Variants in SLIT2 observed in about 807,000 individuals in gnomAD.
The protein encoded by SLIT2 is slit homolog 2 protein.
A neutral mutation model predicts 185.7 loss-of-function variants in SLIT2; 41 were observed. The ratio of observed to expected loss-of-function variants is 0.22; its 90% CI spans 0.17 to 0.29. SLIT2 has a LOEUF of 0.29. SLIT2 is among the 10% of genes least tolerant of loss of function. SLIT2 has a pLI of 1.00. For synonymous variants in SLIT2, 693 were observed against 680.2 expected, an observed-to-expected ratio of 1.02 and a Z score of -0.29; for missense variants, 1,571 against 1,909.0, an observed-to-expected ratio of 0.82 and a Z score of 3.30.
At position 20,472,283 on chromosome 4, in the gene SLIT2, TATAG is replaced by T. The variant is rs1195995286; in HGVS notation, c.467+4464_467+4467del. On this transcript the variant is annotated intron_variant, in intron 5 of 36. Coordinates refer to ENST00000504154, the MANE Select transcript of SLIT2 (RefSeq NM_004787.4). ...CTATATATAGATATATATCTATATATATAGATATATAGATATATAGATCTATATA... is the reference window on the plus strand; with the variant it reads ...CTATATATAGATATATATCTATATATATATATAGATATATAGATCTATATA... 1.9e-3 allele frequency among the ~76,000 whole-genome samples: 42 copies of T among 22,266 alleles called. 9 individuals are homozygous for T. The highest frequency in any genetic ancestry group is 0.01 in the African/African-American group (37 of 3,578). 14.6% of individuals were successfully genotyped at this position (22,266 alleles called of 152,430 possible).
chr4:20,542,073 A>T (rs968357184), intron 20 of SLIT2, among the ~76,000 whole-genome samples: 2 of 152,138 alleles, frequency 1.3e-5, no homozygotes, highest in Non-Finnish European at 2.9e-5. Context: ...TTCTATTATT[A>T]TTGCCAATGA....
intron 4 of SLIT2, among the ~76,000 whole-genome samples, chr4:20,334,090 T>G (rs1456667418): frequency 6.6e-6 from 1 of 152,188 alleles, no homozygotes; most frequent in Non-Finnish European, 1.5e-5. Context: ...TGTCTCTACT[T>G]TAGATCATTT....
In SLIT2 at chr4:20,253,888, C is replaced by T; in HGVS notation, c.73C>T (p.Pro25Ser). ...GCTGGCGATCCTGAACAAGGTGGCA[C>T]CGCAGGCGTGCCCGGCGCAGTGCTC... ...LVLAILNKVA[P>S]QACPAQCSCS... The change falls in exon 1 of 37, where the codon CCG becomes TCG. Residue 25 changes from proline (P) to serine (S), a missense_variant. Pro to Ser is a moderately conservative substitution (Grantham distance 74). Transcript: ENST00000504154. 3 of 1,601,574 alleles carry T rather than the reference C, an allele frequency of 1.9e-6. No individual in the cohort carries two copies. The highest frequency in any genetic ancestry group is 1.6e-4 in the Middle Eastern group (1 of 6,062).
At chr4:20,513,711 A>T (rs1380658223) in intron 11 of SLIT2, among the ~76,000 whole-genome samples, 7 of 151,888 alleles carry the variant, frequency 4.6e-5, no homozygotes. Flanking sequence ...AAAATTACAG[A>T]ACAAGGGATA....
chr4:20,403,618 CTTTA>C (rs1282373196), intron 4 of SLIT2, among the ~76,000 whole-genome samples: 2 of 151,834 alleles, frequency 1.3e-5, no homozygotes, highest in African/African-American at 4.8e-5. Flanking sequence ...GAATAAGTAA[CTTTA>C]TTTATGTATT....
intron 6 of SLIT2, among the ~76,000 whole-genome samples, chr4:20,483,486 C>T (rs1297420830): frequency 6.6e-6 from 1 of 152,012 alleles, no homozygotes; most frequent in Non-Finnish European, 1.5e-5. Context: ...AGTATTTTCC[C>T]TTCTTTGGAC....
At chr4:20,332,078 A>G (rs1720107798) in intron 4 of SLIT2, among the ~76,000 whole-genome samples, 1 of 152,152 alleles carries the variant, frequency 6.6e-6, no homozygotes, top group South Asian at 2.1e-4. Flanking sequence ...TTATGCTGCT[A>G]TGAGCAGTCA....
chr4:20,436,959 A>G (rs184377559), intron 4 of SLIT2, among the ~76,000 whole-genome samples: 11 of 152,364 alleles, frequency 7.2e-5, no homozygotes, highest in Admixed American at 1.3e-4. Context: ...AAACTATTCA[A>G]TCACCACAGA....
At chr4:20,301,834 T>A (rs971299458) in intron 4 of SLIT2, among the ~76,000 whole-genome samples, 7 of 152,188 alleles carry the variant, frequency 4.6e-5, no homozygotes, top group African/African-American at 1.7e-4. Context: ...ATTTTATTTC[T>A]CGAAGGAAAA....
chr4:20,530,858 A>G (rs994186166), intron 16 of SLIT2, among the ~76,000 whole-genome samples: 13 of 152,068 alleles, frequency 8.5e-5, no homozygotes, highest in African/African-American at 3.1e-4. Flanking sequence ...AAGAACATAT[A>G]CAAATGTCCA....
At chr4:20,407,998 T>C (rs1292405933) in intron 4 of SLIT2, among the ~76,000 whole-genome samples, 2 of 152,126 alleles carry the variant, frequency 1.3e-5, no homozygotes, top group African/African-American at 2.4e-5. Flanking sequence ...GGAACCCATA[T>C]AGAAAAGCAG....
At chr4:20,344,446 TTC>T (rs1157170751) in intron 4 of SLIT2, among the ~76,000 whole-genome samples, 1 of 152,126 alleles carries the variant, frequency 6.6e-6, no homozygotes, top group Non-Finnish European at 1.5e-5. Flanking sequence ...CTCTCTTTCA[TTC>T]TCTCTGTCTT....
At chr4:20,578,648 C>G (rs1217364706) in intron 29 of SLIT2, among the ~76,000 whole-genome samples, 2 of 152,104 alleles carry the variant, frequency 1.3e-5, no homozygotes, top group Non-Finnish European at 2.9e-5. Context: ...AGAGAAGAAG[C>G]TAATCTAGTT....
chr4:20,611,351 G>T (rs1030966992), intron 34 of SLIT2, among the ~76,000 whole-genome samples: 3 of 152,164 alleles, frequency 2.0e-5, no homozygotes, highest in African/African-American at 7.2e-5. Context: ...GAAACAGTTG[G>T]AAGTCTTTGG....
At chr4:20,467,201 C>G (rs1714455663) in intron 4 of SLIT2, among the ~76,000 whole-genome samples, 1 of 152,130 alleles carries the variant, frequency 6.6e-6, no homozygotes, top group Non-Finnish European at 1.5e-5. Context: ...ATATTTTATG[C>G]ATAAACTGTT....
chr4:20,402,423 A>T (rs998752820), intron 4 of SLIT2, among the ~76,000 whole-genome samples: 1 of 151,954 alleles, frequency 6.6e-6, no homozygotes, highest in African/African-American at 2.4e-5. Context: ...AGATGAATTC[A>T]TCGCTTATTT....
chr4:20,383,215 T>A (rs1724667771), intron 4 of SLIT2, among the ~76,000 whole-genome samples: 1 of 152,162 alleles, frequency 6.6e-6, no homozygotes, highest in Non-Finnish European at 1.5e-5. Context: ...CAAAGATTTC[T>A]TAAATAGAAC....
At chr4:20,282,331 A>G (rs938241963) in intron 4 of SLIT2, among the ~76,000 whole-genome samples, 1 of 152,198 alleles carries the variant, frequency 6.6e-6, no homozygotes, top group Non-Finnish European at 1.5e-5. Flanking sequence ...AGTGTGGGTA[A>G]ACATGTTTTG....
At chr4:20,505,947 A>G (rs1719170644) in intron 9 of SLIT2, among the ~76,000 whole-genome samples, 1 of 152,040 alleles carries the variant, frequency 6.6e-6, no homozygotes, top group African/African-American at 2.4e-5. Context: ...GAAGTTTTTT[A>G]TTGGATAAAC....
Sources: gnomAD v4.1 joint callset for allele counts (sites outside exome capture counted in the v4.1 genomes callset) on GRCh38, gnomAD v4.1.1 for gene constraint, MANE v1.5 for transcripts, NCBI Gene and HGNC (gene_info 2026-07-23, HGNC 2026-07-21) for gene names.